Variants in IL12RB1 observed in about 807,000 individuals in gnomAD.
IL12RB1 encodes interleukin-12 receptor subunit beta-1.
IL12RB1 carries 64 observed loss-of-function variants against 94.4 expected under a neutral mutation model. The ratio of observed to expected loss-of-function variants is 0.68; its 90% confidence interval spans 0.55 to 0.83. IL12RB1 has a LOEUF of 0.83. Ranked by LOEUF, IL12RB1 falls within the 40% of genes least tolerant of loss-of-function variation. The probability of loss-of-function intolerance (pLI) is 0.00; values close to 1 mark genes in which losing one functional copy is unlikely to be tolerated. For missense variants in IL12RB1, 814 were observed against 855.6 expected (o/e 0.95, Z 0.61); for synonymous variants, 362 against 355.5 (o/e 1.02, Z -0.21).
At chr19:18,092,930 C>T (rs893632675) in intron 1 of IL12RB1, among the ~76,000 whole-genome samples, 1 of 152,112 alleles carries the variant, frequency 6.6e-6, no homozygotes, top group African/African-American at 2.4e-5. Flanking sequence ...TAGAAGCTCA[C>T]AAGAATAAAA....
At chr19:18,067,326 G>C in intron 11 of IL12RB1, among the ~76,000 whole-genome samples, 1 of 82,606 alleles carries the variant, frequency 1.2e-5, no homozygotes, top group Admixed American at 1.6e-4. Flanking sequence ...TCTGTCTCAA[G>C]AAAAAAAAAA....
rs1237983763 is a variant in IL12RB1, at chr19:18,072,363, G to C, written c.784-14C>G. On this transcript the variant is annotated splice_polypyrimidine_tract_variant and intron_variant, in intron 8 of 16. Transcript: ENST00000593993. ...CAGCTGGGTTGGCTGTCAGGAGTATGAAAGACAGCTTGTGGGTACCTGATC... is the reference window on the plus strand; with the variant it reads ...CAGCTGGGTTGGCTGTCAGGAGTATCAAAGACAGCTTGTGGGTACCTGATC... 1 of 1,549,996 alleles carries C rather than the reference G, an allele frequency of 6.5e-7. No individual in the cohort carries two copies. The highest frequency in any genetic ancestry group is 2.2e-5 in the East Asian group (1 of 44,558).
chr19:18,083,022 G>A, intron 2 of IL12RB1: 1 of 296,238 alleles, frequency 3.4e-6, no homozygotes. Flanking sequence ...GGTGGAGGTG[G>A]CAGTGAGCTG....
Position 18,061,006 on chromosome 19 carries a change from T to C in IL12RB1, c.1791+116A>G, listed in dbSNP as rs191553992. The C allele has an allele frequency of 2.4e-4, 167 of 703,488 alleles. No homozygotes were observed. In the East Asian group the frequency reaches 4.3e-3, roughly 18 times the overall value. The allele number at this position is 703,488 out of a possible 1,614,324, so 43.6% of individuals were successfully genotyped here. A position where few individuals can be genotyped will look rare whatever the true frequency, so the allele number is the denominator to read the frequency against. On this transcript the variant is annotated intron_variant, in intron 15 of 16. Coordinates refer to ENST00000593993, the MANE Select transcript of IL12RB1 (RefSeq NM_005535.3). Reference sequence around the variant, plus strand: ...TAAAATGGGAAGGGGTATGGAGCACTGGTTTTGGAGTCCTTACCTTGATGA... The same window carrying C: ...TAAAATGGGAAGGGGTATGGAGCACCGGTTTTGGAGTCCTTACCTTGATGA...
intron 9 of IL12RB1, among the ~76,000 whole-genome samples, chr19:18,070,206 C>T (rs1024913875): frequency 4.6e-5 from 7 of 152,222 alleles, no homozygotes; most frequent in Admixed American, 2.0e-4. Context: ...AGGCATAATC[C>T]GCCGCATCCA....
intron 1 of IL12RB1, 132 bp from the exon 2 acceptor site, chr19:18,083,623 C>T: frequency 3.9e-6 from 3 of 772,554 alleles, no homozygotes; most frequent in Non-Finnish European, 4.5e-6. Flanking sequence ...ATGCACCCTC[C>T]TACCACCACC....
chr19:18,064,138 CT>C (rs55986229), intron 12 of IL12RB1, 128 bp from the exon 13 acceptor site: 31,430 of 345,892 alleles, frequency 0.091, 2 homozygotes, highest in East Asian at 0.14. Context: ...CTCTTTCTTT[CT>C]TTTTTTTTTT....
chr19:18,079,915 A>G (rs1374634464), intron 4 of IL12RB1, among the ~76,000 whole-genome samples: 2 of 152,122 alleles, frequency 1.3e-5, no homozygotes, highest in African/African-American at 2.4e-5. Flanking sequence ...GAAAAAAGAA[A>G]AAAAGATTAT....
At chr19:18,075,130 G>A (rs1292617576) in intron 7 of IL12RB1, among the ~76,000 whole-genome samples, 2 of 151,572 alleles carry the variant, frequency 1.3e-5, no homozygotes, top group Non-Finnish European at 2.9e-5. Flanking sequence ...GGTGCAGCAA[G>A]ACCGGATGCC....
chr19:18,086,899 C>A lies in IL12RB1; in HGVS notation c.-76G>T, dbSNP rs1344842343. The A allele has an allele frequency of 6.4e-7, 1 of 1,574,284 alleles. No individual in the cohort carries two copies. Among genetic ancestry groups the A allele is most frequent in the Non-Finnish European group, 8.6e-7 (1 of 1,159,018 alleles). ...GAGGTTCAGCCACCCCGTCCCCACT[C>A]CGGAACACATTGAAGCTGAGCAAGG... On this transcript the variant is annotated 5_prime_UTR_variant, in exon 1 of 17. Transcript: ENST00000593993.
At position 18,086,788 on chromosome 19, in the gene IL12RB1, G is replaced by A; in HGVS notation, c.36C>T (p.Leu12=). 1 of 1,612,170 alleles carries A rather than the reference G, an allele frequency of 6.2e-7. No individual in the cohort carries two copies. The highest frequency in any genetic ancestry group is 8.5e-7 in the Non-Finnish European group (1 of 1,179,508). The part of the protein sequence containing the change: ...EPLVTWVVPL[L]FLFLLSRQGA... The stretch of plus-strand genomic sequence containing the variant: ...CCTGCCTGGACAGCAGGAAGAGGAA[G>A]AGGAGGGGGACCACCCAGGTCACCA... The change falls in exon 1 of 17, where the codon CTC becomes CTT. Residue 12 remains leucine, a synonymous_variant. Transcript: ENST00000593993.
At position 18,062,998 on chromosome 19, in the gene IL12RB1, TTCCTCCTCCTCCTCC is replaced by T. The variant is rs66462934; in HGVS notation, c.1619-736_1619-722del. Among the ~76,000 whole-genome samples the T allele has an allele frequency of 3.3e-5, 3 of 90,736 alleles. No individual in the cohort carries two copies. In the South Asian group the frequency reaches 1.0e-3, roughly 31 times the overall value. 59.5% of individuals were successfully genotyped at this position (90,736 alleles called of 152,430 possible). A position where few individuals can be genotyped will look rare whatever the true frequency, so the allele number is the denominator to read the frequency against. On this transcript the variant is annotated intron_variant, in intron 13 of 16. Transcript: ENST00000593993. ...CGACAACAGAGCCTGTGTTGTTCTC[TTCCTCCTCCTCCTCC>T]TCCTCCTCCCTCTTCTTCTATTCCT...
At chr19:18,095,761 C>T (rs2036857292) in intron 1 of IL12RB1, among the ~76,000 whole-genome samples, 1 of 152,124 alleles carries the variant, frequency 6.6e-6, no homozygotes, top group African/African-American at 2.4e-5. Flanking sequence ...CTCAATCTGG[C>T]CACCATAACT....
chr19:18,072,128 A>C lies in IL12RB1; in HGVS notation c.1005T>G (p.Pro335=). 6.2e-7 allele frequency: 1 copy of C among 1,613,454 alleles called. No individual in the cohort carries two copies. The highest frequency in any genetic ancestry group is 8.5e-7 in the Non-Finnish European group (1 of 1,179,382). The change falls in exon 9 of 17, where the codon CCT becomes CCG. Residue 335 remains proline, a synonymous_variant. Transcript: ENST00000593993. ...AGGAGGCACCTGTGTGGGTGTCGGC[A>C]GGAATGTGCCACGTCTGGTTCAGGC... ...GPGLNQTWHI[P]ADTHTEPVAL...
At chr19:18,065,338 C>T (rs2034498848) in intron 12 of IL12RB1, among the ~76,000 whole-genome samples, 1 of 152,170 alleles carries the variant, frequency 6.6e-6, no homozygotes, top group Non-Finnish European at 1.5e-5. Context: ...GCTGCTGCTA[C>T]ATGTGAGGGG....
upstream of IL12RB1, among the ~76,000 whole-genome samples, chr19:18,090,041 G>A (rs979637647): frequency 6.6e-6 from 1 of 152,228 alleles, no homozygotes; most frequent in Non-Finnish European, 1.5e-5. Flanking sequence ...CAGAGACAGA[G>A]AAAGGGACAG....
Position 18,077,583 on chromosome 19 carries a change from G to A in IL12RB1, c.482C>T (p.Thr161Ile). ...CTCAGCACCAACCTGGTTATCCGGG[G>A]TCTCCCACTCCATACGCAGCTGCCC... Reference protein sequence around the residue: ...LAGQLRMEWETPDNQVGAEVQ... With the variant: ...LAGQLRMEWEIPDNQVGAEVQ... The change falls in exon 5 of 17, where the codon ACC becomes ATC. Residue 161 changes from threonine (T) to isoleucine (I), a missense_variant. By Grantham distance (89) the Thr-to-Ile change is moderately conservative. Coordinates refer to ENST00000593993, the MANE Select transcript of IL12RB1 (RefSeq NM_005535.3). 1 of 1,607,178 alleles carries A rather than the reference G, an allele frequency of 6.2e-7. No homozygotes were observed. Among genetic ancestry groups the A allele is most frequent in the African/African-American group, 1.3e-5 (1 of 74,872 alleles).
chr19:18,062,129 C>A, intron 14 of IL12RB1, 52 bp downstream of exon 14: 1 of 1,260,794 alleles, frequency 7.9e-7, no homozygotes, highest in South Asian at 1.2e-5. Context: ...TTAGGGCTCC[C>A]CTGCCCAGCA....
chr19:18,081,847 AATGG>A (rs3048839), intron 3 of IL12RB1, among the ~76,000 whole-genome samples: 62,162 of 148,240 alleles, frequency 0.42, 13,197 homozygotes, highest in South Asian at 0.62. Context: ...AAAAAGAAAA[AATGG>A]ATGGATGGAT....
Sources: gnomAD v4.1 joint callset for allele counts (sites outside exome capture counted in the v4.1 genomes callset) on GRCh38, gnomAD v4.1.1 for gene constraint, MANE v1.5 for transcripts, NCBI Gene and HGNC (gene_info 2026-07-23, HGNC 2026-07-21) for gene names.